The following GMNC variants were observed in gnomAD, a reference collection of about 807,000 sequenced individuals.
The protein encoded by GMNC is geminin coiled-coil domain containing.
GMNC carries 16 observed loss-of-function variants against 33.6 expected under a neutral mutation model. That is an observed-to-expected ratio of 0.48 (90% CI 0.32 to 0.72). The LOEUF is 0.72. GMNC is among the 30% of genes least tolerant of loss of function. The pLI, the probability that GMNC is intolerant of heterozygous loss-of-function variation, is 0.03. For missense variants in GMNC, 393 were observed against 388.9 expected, an observed-to-expected ratio of 1.01 and a Z score of -0.09; for synonymous variants, 156 against 147.3, an observed-to-expected ratio of 1.06 and a Z score of -0.43.
At position 190,860,760 on chromosome 3, in the gene GMNC, G is replaced by A. The variant is rs1486033170; in HGVS notation, c.102C>T (p.Ser34=). ...CCCAGAAAGAGACCCAAGTCTCCGT[G>A]GAAACGTCAACACTAGATTCTGACG... ...TTTSESSVDV[S]TETWVSFWAA... is the part of the protein sequence containing the mutation. The change falls in exon 2 of 5, where the codon TCC becomes TCT. Residue 34 remains serine, a synonymous_variant. Transcript: ENST00000442080. 1.3e-5 allele frequency: 20 copies of A among 1,551,376 alleles called. No individual in the cohort carries two copies. The highest frequency in any genetic ancestry group is 1.5e-5 in the Non-Finnish European group (17 of 1,146,920).
At position 190,860,682 on chromosome 3, in the gene GMNC, A is replaced by T. The variant is rs1475289064; in HGVS notation, c.178+2T>A. On this transcript the variant is annotated splice_donor_variant, in intron 2 of 4. Coordinates refer to ENST00000442080, the MANE Select transcript of GMNC (RefSeq NM_001146686.3). LOFTEE classifies it high-confidence loss of function. ...TCAGGGAAGCAGAAGAGCAGAACTT[A>T]CCCTGTGCCTGTGGTGCTTGTTGGA... 2 of 1,548,690 alleles carry T rather than the reference A, an allele frequency of 1.3e-6. No homozygotes were observed. The highest frequency in any genetic ancestry group is 2.7e-5 in the African/African-American group (2 of 72,960).
Position 190,862,362 on chromosome 3 carries a change from A to AGAGAGAGAG in GMNC, c.3+250_3+251insCTCTCTCTC, listed in dbSNP as rs1553787646. On this transcript the variant is annotated intron_variant, in intron 1 of 4. Coordinates refer to ENST00000442080, the MANE Select transcript of GMNC (RefSeq NM_001146686.3). The surrounding 1 kb of genome is among the most constrained non-coding windows in gnomAD (Gnocchi z 4.5). ...AAGTAAGGAAAGTAGTAATAACAGA[A>AGAGAGAGAG]AGAGAGAGAGAGGGCGAGAGAGAGA... Among the ~76,000 whole-genome samples the AGAGAGAGAG allele has an allele frequency of 5.4e-5, 8 of 147,548 alleles. No individual in the cohort carries two copies. The highest frequency in any genetic ancestry group is 2.2e-4 in the South Asian group (1 of 4,494).
downstream of GMNC, among the ~76,000 whole-genome samples, chr3:190,848,427 A>G (rs955542743): frequency 2.0e-5 from 3 of 152,208 alleles, no homozygotes; most frequent in African/African-American, 7.2e-5. Flanking sequence ...TTTTTCTGAT[A>G]TCATGCCTTC....
chr3:190,843,661 A>ATT, the GMNC span, among the ~76,000 whole-genome samples: 1 of 152,046 alleles, frequency 6.6e-6, no homozygotes, highest in African/African-American at 2.4e-5. Flanking sequence ...TGTATCCTAC[A>ATT]TTTTTTTATC....
chr3:190,847,968 G>C (rs1737577581), downstream of GMNC, among the ~76,000 whole-genome samples: 1 of 152,168 alleles, frequency 6.6e-6, no homozygotes, highest in Admixed American at 6.6e-5. Flanking sequence ...ATCAAGAACA[G>C]CTGGTAATTT....
Position 190,861,026 on chromosome 3 carries a change from A to G in GMNC, c.4-168T>C, listed in dbSNP as rs1396993750. ...ATCCATATTAATTTTGGGGTGGTCA[A>G]ATTATAATTACTAAAAGGGAATGAG... On this transcript the variant is annotated intron_variant, in intron 1 of 4. Coordinates refer to ENST00000442080, the MANE Select transcript of GMNC (RefSeq NM_001146686.3). The surrounding 1 kb of genome is among the most constrained non-coding windows in gnomAD (Gnocchi z 5.1). 6.6e-6 allele frequency among the ~76,000 whole-genome samples: 1 copy of G among 152,212 alleles called. No homozygotes were observed. The highest frequency in any genetic ancestry group is 1.5e-5 in the Non-Finnish European group (1 of 68,044).
chr3:190,849,732 A>G (rs539208897), downstream of GMNC, among the ~76,000 whole-genome samples: 83 of 152,352 alleles, frequency 5.4e-4, no homozygotes, highest in African/African-American at 1.9e-3. Flanking sequence ...GTTCCTGAAA[A>G]GGTATCAATT....
At chr3:190,857,293 C>T (rs888305205) in intron 4 of GMNC, among the ~76,000 whole-genome samples, 25 of 151,526 alleles carry the variant, frequency 1.6e-4, no homozygotes, top group African/African-American at 6.1e-4. Flanking sequence ...TTGTAAATGC[C>T]AAATCAAGAG....
chr3:190,852,395 CATTT>C (rs1275349705), downstream of GMNC, among the ~76,000 whole-genome samples: 2 of 152,104 alleles, frequency 1.3e-5, no homozygotes, highest in Admixed American at 6.6e-5. Context: ...TAAATAATCT[CATTT>C]ATTTAACATC....
chr3:190,856,411 A>G (rs972670084), intron 4 of GMNC, among the ~76,000 whole-genome samples: 10 of 140,158 alleles, frequency 7.1e-5, no homozygotes, highest in Non-Finnish European at 1.5e-4. Flanking sequence ...ATTTATAAAT[A>G]TATTAATAAA....
intron 4 of GMNC, among the ~76,000 whole-genome samples, chr3:190,857,119 C>A (rs1737763212): frequency 6.9e-6 from 1 of 145,772 alleles, no homozygotes; most frequent in South Asian, 2.3e-4. Context: ...AACATAATGG[C>A]AACTAGATAA....
intron 3 of GMNC, 146 bp from the exon 4 acceptor site, chr3:190,858,045 T>C (rs1303303017): frequency 1.6e-6 from 1 of 614,246 alleles, no homozygotes; most frequent in Non-Finnish European, 2.9e-6. Flanking sequence ...CTGAGAGGCC[T>C]AAATTAAATC....
Position 190,855,810 on chromosome 3 carries a change from T to C in GMNC, c.490A>G (p.Lys164Glu), listed in dbSNP as rs1470101615. Residue 164 changes from lysine (K) to glutamate (E), a missense_variant, in exon 5 of 5, where the codon AAA (lysine) becomes GAA (glutamate). Transcript: ENST00000442080. ...RYSPAEIPHP[K>E]NAKRNLSSEF... ...CTAGAGAGGTTTCTTTTGGCATTTT[T>C]GGGATGGGGAATCTCAGCAGGAGAG... The C allele has an allele frequency of 1.3e-6, 2 of 1,551,412 alleles. No homozygotes were observed. Among genetic ancestry groups the C allele is most frequent in the East Asian group, 2.4e-5 (1 of 40,930 alleles).
In GMNC at chr3:190,856,200, C is replaced by A. The variant is rs1737732759; in HGVS notation, c.385-285G>T. ...AATAGCACTATCATTTATTAAGTTA[C>A]CATTTGTAAATAAACTATCATTTAT... On this transcript the variant is annotated intron_variant, in intron 4 of 4. Coordinates refer to ENST00000442080, the MANE Select transcript of GMNC (RefSeq NM_001146686.3). 2.1e-5 allele frequency among the ~76,000 whole-genome samples: 3 copies of A among 141,016 alleles called. No individual in the cohort carries two copies. The South Asian group carries it at 6.6e-4, about 31-fold the overall frequency. The allele number at this position is 141,016 out of a possible 152,430, so 92.5% of individuals were successfully genotyped here.
chr3:190,862,160 T>C lies in GMNC; in HGVS notation c.3+453A>G, dbSNP rs889920795. 6.6e-6 allele frequency among the ~76,000 whole-genome samples: 1 copy of C among 152,208 alleles called. No individual in the cohort carries two copies. Among genetic ancestry groups the C allele is most frequent in the African/African-American group, 2.4e-5 (1 of 41,456 alleles). On this transcript the variant is annotated intron_variant, in intron 1 of 4. Coordinates refer to ENST00000442080, the MANE Select transcript of GMNC (RefSeq NM_001146686.3). This position sits in a 1 kb window ranked among gnomAD's most constrained non-coding sequence, Gnocchi z 4.5. ...AGACTCTTTCCCTGAGGTTTTTTAT[T>C]TTTTATTTTATTTTTTGGAATCAGA...
At chr3:190,846,523 G>A in the GMNC span, among the ~76,000 whole-genome samples, 3 of 152,150 alleles carry the variant, frequency 2.0e-5, no homozygotes, top group Non-Finnish European at 2.9e-5. Flanking sequence ...AAATTCATAT[G>A]CAAATAACTG....
At chr3:190,858,028 C>A in intron 3 of GMNC, 129 bp from the exon 4 acceptor site, 1 of 638,616 alleles carries the variant, frequency 1.6e-6, no homozygotes, top group East Asian at 2.7e-5. Context: ...CACAGGGAGC[C>A]CTCATCCTGA....
rs1044286133 is a variant in GMNC at position 190,861,405 on chromosome 3, T to C, written c.4-547A>G. ...TTTTCCTCCGTCTGACCTAACATAC[T>C]GCTGGCTCATAGTCCATCAATCTAT... On this transcript the variant is annotated intron_variant, in intron 1 of 4. Transcript: ENST00000442080. This position sits in a 1 kb window ranked among gnomAD's most constrained non-coding sequence, Gnocchi z 5.1. 6.6e-6 allele frequency among the ~76,000 whole-genome samples: 1 copy of C among 152,216 alleles called. No individual in the cohort carries two copies. The highest frequency in any genetic ancestry group is 2.4e-5 in the African/African-American group (1 of 41,456).
intron 4 of GMNC, among the ~76,000 whole-genome samples, chr3:190,856,275 T>C (rs536576180): frequency 2.1e-5 from 3 of 142,700 alleles, no homozygotes; most frequent in Admixed American, 7.1e-5. Flanking sequence ...ATAATACTTA[T>C]ATTTATTTAT....
Sources: allele counts gnomAD v4.1 joint callset (sites outside exome capture counted in the v4.1 genomes callset), GRCh38; gene constraint gnomAD v4.1.1; non-coding constraint Gnocchi (gnomAD v3.1); transcripts MANE v1.5; gene names NCBI Gene and HGNC (gene_info 2026-07-23, HGNC 2026-07-21).